PRKG1: variants seen among roughly 807,000 people sequenced by gnomAD.
PRKG1 encodes the protein protein kinase cGMP-dependent 1.
PRKG1 carries 35 observed loss-of-function variants against 88.1 expected under a neutral mutation model. The observed-to-expected ratio is 0.40, with a 90% CI of 0.30 to 0.53. The LOEUF is 0.53. Among genes scored for constraint, PRKG1 ranks in the 20% least tolerant of loss-of-function variants. The pLI is 0.59. For missense variants in PRKG1, 540 were observed against 839.8 expected, an observed-to-expected ratio of 0.64 and a Z score of 4.41; for synonymous variants, 303 against 292.5, an observed-to-expected ratio of 1.04 and a Z score of -0.37.
chr10:51,356,941 CT>C (rs1269640004), intron 2 of PRKG1, among the ~76,000 whole-genome samples: 5 of 151,922 alleles, frequency 3.3e-5, no homozygotes, highest in Non-Finnish European at 5.9e-5. Flanking sequence ...TGTAGGAGCT[CT>C]TATTTTTATT....
intron 5 of PRKG1, among the ~76,000 whole-genome samples, chr10:52,027,184 A>G (rs1295365233): frequency 1.3e-5 from 2 of 152,142 alleles, no homozygotes; most frequent in African/African-American, 2.4e-5. Flanking sequence ...CTAGGTCACT[A>G]GATAATCACT....
intron 2 of PRKG1, among the ~76,000 whole-genome samples, chr10:51,298,739 G>T (rs982929754): frequency 6.6e-6 from 1 of 152,180 alleles, no homozygotes; most frequent in Non-Finnish European, 1.5e-5. Flanking sequence ...TGTTAGGTTG[G>T]AGTATTTTAT....
chr10:51,571,362 A>C (rs1036704976), intron 3 of PRKG1, among the ~76,000 whole-genome samples: 5 of 151,970 alleles, frequency 3.3e-5, no homozygotes, highest in African/African-American at 1.2e-4. Context: ...TTTTCTCATC[A>C]ATAAAATAGA....
At chr10:51,678,756 C>A (rs1160030978) in intron 3 of PRKG1, among the ~76,000 whole-genome samples, 2 of 152,108 alleles carry the variant, frequency 1.3e-5, no homozygotes, top group Non-Finnish European at 2.9e-5. Context: ...GTTCAAGCTG[C>A]AAACACATGA....
chr10:51,893,115 G>T (rs1234478484), intron 4 of PRKG1, among the ~76,000 whole-genome samples: 7 of 152,148 alleles, frequency 4.6e-5, no homozygotes, highest in Admixed American at 4.6e-4. Flanking sequence ...TTAATAAAGT[G>T]TGTGATTAGT....
At chr10:51,977,487 T>A (rs568571271) in intron 5 of PRKG1, among the ~76,000 whole-genome samples, 1 of 152,240 alleles carries the variant, frequency 6.6e-6, no homozygotes, top group South Asian at 2.1e-4. Flanking sequence ...ATCTACCCAG[T>A]AATGGGATTG....
At chr10:51,630,530 G>A (rs960801119) in intron 3 of PRKG1, among the ~76,000 whole-genome samples, 2 of 152,156 alleles carry the variant, frequency 1.3e-5, no homozygotes, top group Admixed American at 6.5e-5. Flanking sequence ...CAGCTGTGCT[G>A]TTGGTTGGCA....
At chr10:51,084,821 T>A (rs1257254325) in intron 1 of PRKG1, among the ~76,000 whole-genome samples, 1 of 152,234 alleles carries the variant, frequency 6.6e-6, no homozygotes, top group African/African-American at 2.4e-5. Context: ...TTAATTGGAT[T>A]GAATGTCAAT....
chr10:51,307,119 C>T (rs1841059227), intron 2 of PRKG1, among the ~76,000 whole-genome samples: 1 of 151,958 alleles, frequency 6.6e-6, no homozygotes, highest in South Asian at 2.1e-4. Flanking sequence ...AATGATAATG[C>T]ATTATTATAC....
intron 5 of PRKG1, among the ~76,000 whole-genome samples, chr10:51,934,653 G>T (rs1053080231): frequency 1.3e-5 from 2 of 152,100 alleles, no homozygotes; most frequent in East Asian, 3.9e-4. Context: ...AGAGGCAAAG[G>T]TTTATCCCTG....
intron 5 of PRKG1, among the ~76,000 whole-genome samples, chr10:51,950,585 C>A (rs141134879): frequency 2.8e-4 from 43 of 152,380 alleles, no homozygotes; most frequent in Non-Finnish European, 5.3e-4. Flanking sequence ...AACACAGGAG[C>A]AAGCTTCATG....
At chr10:51,989,759 A>G (rs1844254590) in intron 5 of PRKG1, among the ~76,000 whole-genome samples, 1 of 152,122 alleles carries the variant, frequency 6.6e-6, no homozygotes, top group Non-Finnish European at 1.5e-5. Flanking sequence ...GCCAAAAATC[A>G]GACTCATCTT....
chr10:51,250,406 G>C (rs1839397837), intron 2 of PRKG1, among the ~76,000 whole-genome samples: 1 of 151,824 alleles, frequency 6.6e-6, no homozygotes, highest in African/African-American at 2.4e-5. Flanking sequence ...GGGAAAGTGG[G>C]AAGTATGTTT....
At chr10:51,942,125 CTT>C (rs1450439643) in intron 5 of PRKG1, among the ~76,000 whole-genome samples, 3 of 151,776 alleles carry the variant, frequency 2.0e-5, no homozygotes, top group Non-Finnish European at 4.4e-5. Flanking sequence ...TGTTTCCTGA[CTT>C]TTTAATGATT....
chr10:52,024,702 A>G (rs1485123180), intron 5 of PRKG1, among the ~76,000 whole-genome samples: 2 of 152,092 alleles, frequency 1.3e-5, no homozygotes, highest in East Asian at 3.9e-4. Context: ...GTGTATATGT[A>G]CCACATTTTC....
In PRKG1 at chr10:51,350,956, C is replaced by G. The variant is rs1362434562; in HGVS notation, c.479-116767C>G. Among the ~76,000 whole-genome samples, 3 of 152,108 alleles carry G rather than the reference C, an allele frequency of 2.0e-5. No individual in the cohort carries two copies. In the South Asian group the frequency reaches 6.2e-4, roughly 32 times the overall value. On this transcript the variant is annotated intron_variant, in intron 2 of 17. Coordinates refer to ENST00000373980, the MANE Select transcript of PRKG1 (RefSeq NM_006258.4). ...ACAGGCCCTGGTGTGTGATGTTCCC[C>G]TCCCTGTGTCCATGTGTTCTCATTG...
chr10:52,084,798 C>T (rs1231579039), intron 7 of PRKG1, among the ~76,000 whole-genome samples: 2 of 151,912 alleles, frequency 1.3e-5, no homozygotes, highest in African/African-American at 4.8e-5. Flanking sequence ...CAATAATGTT[C>T]TTTATGACAC....
intron 1 of PRKG1, among the ~76,000 whole-genome samples, chr10:51,089,776 C>G (rs1407026398): frequency 6.6e-6 from 1 of 152,188 alleles, no homozygotes; most frequent in African/African-American, 2.4e-5. Flanking sequence ...CAGATCATCA[C>G]TGTTGTACAG....
intron 9 of PRKG1, among the ~76,000 whole-genome samples, chr10:52,170,229 A>G (rs1838627128): frequency 6.6e-6 from 1 of 152,204 alleles, no homozygotes; most frequent in Non-Finnish European, 1.5e-5. Flanking sequence ...AGAAGGCCCA[A>G]ATTTGCCAAA....
Sources: gnomAD v4.1 joint callset for allele counts (sites outside exome capture counted in the v4.1 genomes callset) on GRCh38, gnomAD v4.1.1 for gene constraint, MANE v1.5 for transcripts, NCBI Gene and HGNC (gene_info 2026-07-23, HGNC 2026-07-21) for gene names.